MGAT5B: variants seen among roughly 807,000 people sequenced by gnomAD.
MGAT5B encodes the protein N-acetylglucosaminyl-transferase Vb.
In MGAT5B, 54 loss-of-function variants were observed where a neutral mutation model predicts 95.1. The ratio of observed to expected loss-of-function variants is 0.57; its 90% CI spans 0.46 to 0.71. The LOEUF (loss-of-function observed/expected upper bound fraction) is 0.71, where lower values mean the gene tolerates loss of function less well. MGAT5B is among the 30% of genes least tolerant of loss of function. The pLI is 0.00. For synonymous variants in MGAT5B, 464 were observed against 451.0 expected (o/e 1.03, Z -0.36); for missense variants, 935 against 1,088.6 (o/e 0.86, Z 1.99).
chr17:76,873,472 G>A (rs569509509), intron 2 of MGAT5B, among the ~76,000 whole-genome samples: 11 of 152,360 alleles, frequency 7.2e-5, no homozygotes, highest in East Asian at 1.9e-4. Flanking sequence ...GGCTTTGGGC[G>A]TCTGGTGGGT....
At position 76,940,331 on chromosome 17, in the gene MGAT5B, C is replaced by T; in HGVS notation, c.1585-71C>T. 1 of 1,485,316 alleles carries T rather than the reference C, an allele frequency of 6.7e-7. No individual in the cohort carries two copies. The highest frequency in any genetic ancestry group is 2.3e-5 in the Admixed American group (1 of 42,814). 92.0% of individuals were successfully genotyped at this position (1,485,316 alleles called of 1,614,324 possible). Reference sequence around the variant, plus strand: ...AATATCCCGAAGCCTCACCTTGTCCCCGGCATCCTGGTGCTTACTGGGCTG... The same window carrying T: ...AATATCCCGAAGCCTCACCTTGTCCTCGGCATCCTGGTGCTTACTGGGCTG... On this transcript the variant is annotated intron_variant, in intron 13 of 17. Coordinates refer to ENST00000569840, the MANE Select transcript of MGAT5B (RefSeq NM_001199172.2). The surrounding 1 kb of genome is among the most constrained non-coding windows in gnomAD (Gnocchi z 4.3).
chr17:76,899,881 A>T (rs1968242642), intron 3 of MGAT5B, among the ~76,000 whole-genome samples: 1 of 152,138 alleles, frequency 6.6e-6, no homozygotes. Context: ...TCTTAGCTGT[A>T]AGAAACCTCC....
At position 76,869,128 on chromosome 17, in the gene MGAT5B, CA is replaced by C; in HGVS notation, c.68+32del. 3.1e-6 allele frequency: 5 copies of C among 1,602,070 alleles called. No individual in the cohort carries two copies. Among genetic ancestry groups the C allele is most frequent in the Non-Finnish European group, 4.3e-6 (5 of 1,169,210 alleles). ...GTTCCCTCCTGGTTGGTTTTTTCCCCAGGGGGGCGCCGGGTGGAGGTGGGCG... is the reference window on the plus strand; with the variant it reads ...GTTCCCTCCTGGTTGGTTTTTTCCCCGGGGGGCGCCGGGTGGAGGTGGGCG... On this transcript the variant is annotated intron_variant, in intron 1 of 17. Coordinates refer to ENST00000569840, the MANE Select transcript of MGAT5B (RefSeq NM_001199172.2). The surrounding 1 kb of genome is among the most constrained non-coding windows in gnomAD (Gnocchi z 7.0).
At chr17:76,896,800 A>ATTTC (rs1406927946) in intron 3 of MGAT5B, among the ~76,000 whole-genome samples, 1 of 152,158 alleles carries the variant, frequency 6.6e-6, no homozygotes, top group Non-Finnish European at 1.5e-5. Context: ...ACATCCCTTG[A>ATTTC]TTTCTTTCTT....
chr17:76,947,329 G>C (rs1185963283), intron 16 of MGAT5B, among the ~76,000 whole-genome samples: 1 of 152,202 alleles, frequency 6.6e-6, no homozygotes, highest in African/African-American at 2.4e-5. Flanking sequence ...GTGTATTCAG[G>C]TGAGGGGGTG....
intron 10 of MGAT5B, among the ~76,000 whole-genome samples, chr17:76,929,209 G>T (rs1355669134): frequency 6.6e-6 from 1 of 152,152 alleles, no homozygotes; most frequent in Non-Finnish European, 1.5e-5. Context: ...TCGGACTGCA[G>T]GTGGCCAAAG....
intron 8 of MGAT5B, among the ~76,000 whole-genome samples, chr17:76,913,166 T>A (rs904791213): frequency 2.6e-5 from 4 of 152,152 alleles, no homozygotes; most frequent in Admixed American, 2.0e-4. Flanking sequence ...GAAATCTGCC[T>A]CCTGCCTGGG....
At chr17:76,921,190 A>G (rs750589551) in intron 8 of MGAT5B, among the ~76,000 whole-genome samples, 4 of 152,178 alleles carry the variant, frequency 2.6e-5, no homozygotes, top group African/African-American at 7.2e-5. Context: ...GCACCGTCGC[A>G]GGAGAACCTT....
chr17:76,931,604 A>G (rs12941106), intron 10 of MGAT5B, among the ~76,000 whole-genome samples: 78,786 of 151,890 alleles, frequency 0.52, 21,406 homozygotes, highest in Admixed American at 0.61. Flanking sequence ...GCGGTGGGAG[A>G]GAAATGGAGG....
In MGAT5B at chr17:76,889,809, C is replaced by A. The variant is rs762907585; in HGVS notation, c.329+7511C>A. On this transcript the variant is annotated intron_variant, in intron 3 of 17. Transcript: ENST00000569840. This position sits in a 1 kb window ranked among gnomAD's most constrained non-coding sequence, Gnocchi z 4.4. Reference sequence around the variant, plus strand: ...CCACGGTGCCGAGAGCCGGACCAACCACATGACAGCCACGTTTATTGGGGA... The same window carrying A: ...CCACGGTGCCGAGAGCCGGACCAACAACATGACAGCCACGTTTATTGGGGA... Among the ~76,000 whole-genome samples, 10 of 152,172 alleles carry A rather than the reference C, an allele frequency of 6.6e-5. No individual in the cohort carries two copies. Among genetic ancestry groups the A allele is most frequent in the Non-Finnish European group, 1.0e-4 (7 of 68,032 alleles).
chr17:76,947,988 C>T lies in MGAT5B; in HGVS notation c.2082C>T (p.Ala694=), dbSNP rs754899240. The T allele has an allele frequency of 5.6e-5, 90 of 1,612,132 alleles. No individual in the cohort carries two copies. Among genetic ancestry groups the T allele is most frequent in the Non-Finnish European group, 6.4e-5 (76 of 1,179,286 alleles). The stretch of plus-strand genomic sequence containing the variant: ...CGCACGCCCTGCGGGCCTGGCTGGC[C>T]GTGCCTGGGAGGGCCTGCACCGACA... The part of the protein sequence containing the change: ...PPAHALRAWL[A]VPGRACTDTC... Residue 694 remains alanine (A), a synonymous_variant, in exon 17 of 18, where the codon GCC becomes GCT. Coordinates refer to ENST00000569840, the MANE Select transcript of MGAT5B (RefSeq NM_001199172.2).
rs527458128 is a variant in MGAT5B at position 76,905,932 on chromosome 17, G to T, written c.856-86G>T. 1.2e-5 allele frequency: 17 copies of T among 1,425,672 alleles called. No individual in the cohort carries two copies. The African/African-American group carries it at 2.5e-4, about 21-fold the overall frequency. The allele number at this position is 1,425,672 out of a possible 1,614,324, so 88.3% of individuals were successfully genotyped here. On this transcript the variant is annotated intron_variant, in intron 7 of 17. Coordinates refer to ENST00000569840, the MANE Select transcript of MGAT5B (RefSeq NM_001199172.2). This position sits in a 1 kb window ranked among gnomAD's most constrained non-coding sequence, Gnocchi z 4.2. ...CAGCCTGGAGACAGGGTCTGCTGCCGGCTGGTCTCCTGGCCGGTGCCCCGG... is the reference window on the plus strand; with the variant it reads ...CAGCCTGGAGACAGGGTCTGCTGCCTGCTGGTCTCCTGGCCGGTGCCCCGG...
intron 12 of MGAT5B, among the ~76,000 whole-genome samples, chr17:76,933,911 G>A (rs1969574525): frequency 6.6e-6 from 1 of 152,074 alleles, no homozygotes; most frequent in African/African-American, 2.4e-5. Context: ...ATGGCTACAG[G>A]TATTAGAGTC....
At position 76,872,814 on chromosome 17, in the gene MGAT5B, T is replaced by A. The variant is rs1415255404; in HGVS notation, c.69-37T>A. 3 of 1,614,162 alleles carry A rather than the reference T, an allele frequency of 1.9e-6. No homozygotes were observed. The East Asian group carries it at 6.7e-5, about 36-fold the overall frequency. ...GTGGAGCGTCAGGGCACGATGGCCC[T>A]TCCTGCCCTCCTGACCCGCCTCCTT... On this transcript the variant is annotated intron_variant, in intron 1 of 17. Transcript: ENST00000569840.
At chr17:76,941,280 C>T (rs1385680767) in intron 15 of MGAT5B, among the ~76,000 whole-genome samples, 12 of 152,226 alleles carry the variant, frequency 7.9e-5, no homozygotes, top group East Asian at 1.9e-4. Flanking sequence ...TCTGTTAATG[C>T]GGGGCAACGC....
intron 3 of MGAT5B, among the ~76,000 whole-genome samples, chr17:76,902,143 C>T (rs986637395): frequency 3.9e-5 from 6 of 152,064 alleles, no homozygotes; most frequent in African/African-American, 1.4e-4. Context: ...GATGTGGGCA[C>T]CTGTACAGTT....
intron 12 of MGAT5B, among the ~76,000 whole-genome samples, chr17:76,934,290 A>G (rs1372314417): frequency 6.6e-6 from 1 of 152,216 alleles, no homozygotes; most frequent in Admixed American, 6.5e-5. Flanking sequence ...TCTATAAATG[A>G]GGACACCAGG....
intron 6 of MGAT5B, among the ~76,000 whole-genome samples, chr17:76,904,823 G>T (rs529002440): frequency 6.6e-6 from 1 of 152,238 alleles, no homozygotes; most frequent in Non-Finnish European, 1.5e-5. Flanking sequence ...GGTTCGAGGC[G>T]CATAGTTGCT....
rs990019344 is a variant in MGAT5B at position 76,881,740 on chromosome 17, C to G, written c.182-411C>G. 3.3e-5 allele frequency among the ~76,000 whole-genome samples: 5 copies of G among 152,216 alleles called. No homozygotes were observed. In the South Asian group the frequency reaches 6.2e-4, roughly 19 times the overall value. ...TCTAGAAGTCCTGCCTGGAGCTTACCGTTTGGGGGCTCTGGGGCTTCTTTC... is the reference window on the plus strand; with the variant it reads ...TCTAGAAGTCCTGCCTGGAGCTTACGGTTTGGGGGCTCTGGGGCTTCTTTC... On this transcript the variant is annotated intron_variant, in intron 2 of 17. Transcript: ENST00000569840.
Sources: gnomAD v4.1 joint callset for allele counts (sites outside exome capture counted in the v4.1 genomes callset) on GRCh38, gnomAD v4.1.1 for gene constraint, Gnocchi (gnomAD v3.1) non-coding constraint, MANE v1.5 for transcripts, NCBI Gene and HGNC (gene_info 2026-07-23, HGNC 2026-07-21) for gene names.